ADGRA3: variants seen among roughly 807,000 people sequenced by gnomAD.
ADGRA3 encodes the protein adhesion G protein-coupled receptor A3, also known as G-protein coupled receptor 125.
A neutral mutation model predicts 119.8 loss-of-function variants in ADGRA3; 56 were observed. The ratio of observed to expected loss-of-function variants is 0.47; its 90% CI spans 0.38 to 0.58. The LOEUF (loss-of-function observed/expected upper bound fraction) is 0.58. Among genes scored for constraint, ADGRA3 ranks in the 20% least tolerant of loss-of-function variants. The probability of loss-of-function intolerance (pLI) is 0.00; values close to 1 mark genes in which losing one functional copy is unlikely to be tolerated. For missense variants in ADGRA3, 1,516 were observed against 1,649.0 expected (o/e 0.92, Z 1.40); for synonymous variants, 607 against 623.8 (o/e 0.97, Z 0.40).
At chr4:22,470,381 C>T (rs1398722863) in intron 2 of ADGRA3, among the ~76,000 whole-genome samples, 5 of 151,750 alleles carry the variant, frequency 3.3e-5, no homozygotes, top group Non-Finnish European at 7.4e-5. Context: ...ACACACACTG[C>T]TATCTTCCTA....
At chr4:22,493,463 C>CA (rs550170774) in intron 1 of ADGRA3, among the ~76,000 whole-genome samples, 3 of 152,074 alleles carry the variant, frequency 2.0e-5, no homozygotes, top group Non-Finnish European at 4.4e-5. Flanking sequence ...TTTTGTTAGA[C>CA]AAAAAATAAT....
chr4:22,439,491 T>C (rs950048455), intron 7 of ADGRA3, among the ~76,000 whole-genome samples: 11 of 152,218 alleles, frequency 7.2e-5, no homozygotes, highest in Non-Finnish European at 1.6e-4. Flanking sequence ...AGAAAGTATG[T>C]ATCATTTTAA....
chr4:22,481,218 AG>A (rs1718250802), intron 1 of ADGRA3, among the ~76,000 whole-genome samples: 1 of 152,238 alleles, frequency 6.6e-6, no homozygotes, highest in Non-Finnish European at 1.5e-5. Context: ...ATTTTGGGCC[AG>A]GTGAGTCACT....
intron 1 of ADGRA3, among the ~76,000 whole-genome samples, chr4:22,498,412 A>ATCCT (rs1176375983): frequency 6.6e-6 from 1 of 151,290 alleles, no homozygotes; most frequent in Admixed American, 6.6e-5. Flanking sequence ...TGAGGTCAGG[A>ATCCT]GTTCAAGACC....
Position 22,389,166 on chromosome 4 carries a change from C to T in ADGRA3, c.2645G>A (p.Gly882Asp), listed in dbSNP as rs757380056. The T allele has an allele frequency of 1.3e-5, 21 of 1,612,786 alleles. No homozygotes were observed. Among genetic ancestry groups the T allele is most frequent in the Non-Finnish European group, 1.7e-5 (20 of 1,179,056 alleles). The change falls in exon 18 of 19, where the codon GGT becomes GAT. Residue 882 changes from glycine (G) to aspartate (D), a missense_variant. Coordinates refer to ENST00000334304, the MANE Select transcript of ADGRA3 (RefSeq NM_145290.4). Reference sequence around the variant, plus strand: ...GCCGCAAACAATGATGGGGATACCACCACCAATCAGGTAAAATCTAGAAGG... The same window carrying T: ...GCCGCAAACAATGATGGGGATACCATCACCAATCAGGTAAAATCTAGAAGG... The part of the protein sequence containing the change: ...RPMLRFYLIG[G>D]GIPIIVCGIT...
intron 14 of ADGRA3, among the ~76,000 whole-genome samples, chr4:22,407,989 T>C (rs1488166650): frequency 6.6e-6 from 1 of 152,006 alleles, no homozygotes; most frequent in Non-Finnish European, 1.5e-5. Flanking sequence ...TAATAAGAGT[T>C]TACCATTAAA....
chr4:22,515,489 C>T, intron 1 of ADGRA3, 39 bp downstream of exon 1: 1 of 1,584,980 alleles, frequency 6.3e-7, no homozygotes, highest in Admixed American at 1.7e-5. Flanking sequence ...TAAGAAAGAG[C>T]CGAGCGGGAG....
chr4:22,417,988 C>A (rs1443102675), intron 12 of ADGRA3, among the ~76,000 whole-genome samples: 10 of 152,174 alleles, frequency 6.6e-5, no homozygotes, highest in Admixed American at 5.9e-4. Context: ...TTAATTATTT[C>A]TCCTTTTTGG....
Position 22,515,916 on chromosome 4 carries a change from TC to T in ADGRA3, c.-133del. 1.9e-6 allele frequency: 1 copy of T among 513,534 alleles called. No individual in the cohort carries two copies. The highest frequency in any genetic ancestry group is 7.9e-5 in the South Asian group (1 of 12,702). The allele number at this position is 513,534 out of a possible 1,614,324, so 31.8% of individuals were successfully genotyped here. A position where few individuals can be genotyped will look rare whatever the true frequency, so the allele number is the denominator to read the frequency against. Reference sequence around the variant, plus strand: ...CTTATGGCGGCCGGAGGACGGGCCTTCCCCGGCGCGGACATGCTCCTTTGTC... The same window carrying T: ...CTTATGGCGGCCGGAGGACGGGCCTTCCCGGCGCGGACATGCTCCTTTGTC... On this transcript the variant is annotated 5_prime_UTR_variant, in exon 1 of 19. The change creates a premature stop within an existing upstream ORF in the 5' untranslated region. Coordinates refer to ENST00000334304, the MANE Select transcript of ADGRA3 (RefSeq NM_145290.4).
chr4:22,484,433 C>A (rs554332807), intron 1 of ADGRA3, among the ~76,000 whole-genome samples: 1 of 151,880 alleles, frequency 6.6e-6, no homozygotes, highest in African/African-American at 2.4e-5. Context: ...GGTGAAACCC[C>A]GTCTCTACTA....
At chr4:22,438,539 T>G in intron 7 of ADGRA3, 119 bp from the exon 8 acceptor site, 1 of 725,094 alleles carries the variant, frequency 1.4e-6, no homozygotes, top group Middle Eastern at 4.0e-4. Context: ...GGGTAAGCAC[T>G]TGCTATATAA....
chr4:22,420,696 T>C (rs116136602), intron 12 of ADGRA3, 190 bp downstream of exon 12: 6,991 of 588,860 alleles, frequency 0.012, 81 homozygotes, highest in Non-Finnish European at 0.012. Context: ...AAGGCAAAAA[T>C]GCCTAGGGCC....
At position 22,420,710 on chromosome 4, in the gene ADGRA3, G is replaced by C. The variant is rs1715625205; in HGVS notation, c.1809+176C>G. 6.4e-6 allele frequency: 4 copies of C among 627,920 alleles called. No individual in the cohort carries two copies. In the African/African-American group the frequency reaches 7.3e-5, roughly 11 times the overall value. 38.9% of individuals were successfully genotyped at this position (627,920 alleles called of 1,614,324 possible). A position where few individuals can be genotyped will look rare whatever the true frequency, so the allele number is the denominator to read the frequency against. On this transcript the variant is annotated intron_variant, in intron 12 of 18. Coordinates refer to ENST00000334304, the MANE Select transcript of ADGRA3 (RefSeq NM_145290.4). ...AAAGGCAAAAATGCCTAGGGCCCTT[G>C]AAAGTCGTAATGCAGTTCTTCCTGG...
At chr4:22,515,445 C>G in intron 1 of ADGRA3, 83 bp downstream of exon 1, 1 of 1,497,944 alleles carries the variant, frequency 6.7e-7, no homozygotes, top group South Asian at 1.2e-5. Flanking sequence ...GCGTGGGTGC[C>G]GGCTGGACCC....
intron 2 of ADGRA3, among the ~76,000 whole-genome samples, chr4:22,466,879 G>C (rs1324702578): frequency 6.6e-6 from 1 of 152,198 alleles, no homozygotes; most frequent in East Asian, 1.9e-4. Flanking sequence ...ACACAATATA[G>C]AGTGTGTGGA....
chr4:22,424,955 G>C (rs1208369959), intron 10 of ADGRA3, among the ~76,000 whole-genome samples: 1 of 151,832 alleles, frequency 6.6e-6, no homozygotes, highest in Non-Finnish European at 1.5e-5. Context: ...CATGCCTATA[G>C]TCCCAGCTAC....
chr4:22,466,242 C>T (rs1182774203), intron 2 of ADGRA3, among the ~76,000 whole-genome samples: 1 of 152,178 alleles, frequency 6.6e-6, no homozygotes, highest in Non-Finnish European at 1.5e-5. Flanking sequence ...CTCACCCTGT[C>T]TCTCTTCATT....
chr4:22,426,014 G>A lies in ADGRA3; in HGVS notation c.1444-1662C>T, dbSNP rs1278866531. Among the ~76,000 whole-genome samples, 4 of 152,298 alleles carry A rather than the reference G, an allele frequency of 2.6e-5. No individual in the cohort carries two copies. The East Asian group carries it at 7.7e-4, about 29-fold the overall frequency. On this transcript the variant is annotated intron_variant, in intron 10 of 18. Transcript: ENST00000334304. ...TAATAGTCCTGTCTTTCTGAATGTTGTGGAGATTAAGTTCCAATAATAAAT... is the reference window on the plus strand; with the variant it reads ...TAATAGTCCTGTCTTTCTGAATGTTATGGAGATTAAGTTCCAATAATAAAT...
intron 1 of ADGRA3, chr4:22,478,148 G>C (rs968287185): frequency 6.6e-6 from 1 of 152,232 alleles, no homozygotes; most frequent in South Asian, 2.1e-4. Context: ...CTCGCCTCTT[G>C]AATTTCAACG....
Sources: gnomAD v4.1 joint callset for allele counts (sites outside exome capture counted in the v4.1 genomes callset) on GRCh38, gnomAD v4.1.1 for gene constraint, MANE v1.5 for transcripts, NCBI Gene and HGNC (gene_info 2026-07-23, HGNC 2026-07-21) for gene names.